Variants in DLG1 observed in about 807,000 individuals in gnomAD.
DLG1 encodes the protein discs large MAGUK scaffold protein 1.
DLG1 carries 42 observed loss-of-function variants against 123.4 expected under a neutral mutation model. The ratio of observed to expected loss-of-function variants is 0.34; its 90% CI spans 0.27 to 0.44. The LOEUF is 0.44. Among genes scored for constraint, DLG1 ranks in the 20% least tolerant of loss-of-function variants. The probability of loss-of-function intolerance (pLI) is 1.00; values close to 1 mark genes in which losing one functional copy is unlikely to be tolerated. For synonymous variants in DLG1, 317 were observed against 356.2 expected (o/e 0.89, Z 1.24); for missense variants, 942 against 1,082.6 (o/e 0.87, Z 1.82).
chr3:197,090,899 T>TA lies in DLG1; in HGVS notation c.1661+12dup, dbSNP rs746985032. 1.6e-5 allele frequency: 24 copies of TA among 1,509,634 alleles called. No homozygotes were observed. The highest frequency in any genetic ancestry group is 2.2e-5 in the Non-Finnish European group (24 of 1,102,560). 93.5% of individuals were successfully genotyped at this position (1,509,634 alleles called of 1,614,324 possible). On this transcript the variant is annotated intron_variant, in intron 15 of 24. Coordinates refer to ENST00000667157, the MANE Select transcript of DLG1 (RefSeq NM_001366207.1). The stretch of plus-strand genomic sequence containing the variant: ...AATTAAGATTTGCCATAATTAGAAG[T>TA]AAAAAAATTTACCTGACATAGAGGG...
At chr3:197,158,633 T>TAAAAAAA (rs1286218729) in intron 5 of DLG1, among the ~76,000 whole-genome samples, 1 of 17,536 alleles carries the variant, frequency 5.7e-5, no homozygotes, top group Non-Finnish European at 1.2e-4. Context: ...AAACTCCATT[T>TAAAAAAA]CAAAAAAAAA....
At chr3:197,237,511 C>T (rs1047183870) in intron 4 of DLG1, among the ~76,000 whole-genome samples, 3 of 152,172 alleles carry the variant, frequency 2.0e-5, no homozygotes, top group African/African-American at 7.2e-5. Flanking sequence ...CTAAACACCA[C>T]AGAAAAAAAC....
intron 4 of DLG1, among the ~76,000 whole-genome samples, chr3:197,221,382 T>C (rs767090478): frequency 9.9e-5 from 15 of 151,962 alleles, no homozygotes; most frequent in Non-Finnish European, 2.9e-5. Flanking sequence ...GAGCCGAGTG[T>C]GGTGGCGGGC....
chr3:197,049,160 T>C (rs978584552), intron 24 of DLG1, among the ~76,000 whole-genome samples: 6 of 151,736 alleles, frequency 4.0e-5, no homozygotes, highest in Non-Finnish European at 7.4e-5. Context: ...CTACTAAAAA[T>C]ACAAAAATTA....
chr3:197,227,436 C>T (rs1227596916), intron 4 of DLG1, among the ~76,000 whole-genome samples: 1 of 151,884 alleles, frequency 6.6e-6, no homozygotes, highest in Non-Finnish European at 1.5e-5. Context: ...GATTGCGCCA[C>T]TGCACTCCAG....
intron 5 of DLG1, among the ~76,000 whole-genome samples, chr3:197,190,902 C>T (rs1719052558): frequency 6.6e-6 from 1 of 152,012 alleles, no homozygotes; most frequent in Admixed American, 6.6e-5. Context: ...CCCAGCTACT[C>T]GGGAGGCTGG....
At chr3:197,235,036 TAAAACAACTAG>T (rs1745232791) in intron 4 of DLG1, among the ~76,000 whole-genome samples, 1 of 151,974 alleles carries the variant, frequency 6.6e-6, no homozygotes, top group Non-Finnish European at 1.5e-5. Flanking sequence ...CCTTCTGCCT[TAAAACAACTAG>T]AAAACTAGAA....
chr3:197,046,932 A>G (rs1479906970), intron 24 of DLG1, among the ~76,000 whole-genome samples: 1 of 144,454 alleles, frequency 6.9e-6, no homozygotes, highest in East Asian at 2.4e-4. Context: ...AAAAACAACA[A>G]AAAATCCCCC....
At chr3:197,118,727 CATT>C (rs1774653137) in intron 12 of DLG1, among the ~76,000 whole-genome samples, 1 of 152,068 alleles carries the variant, frequency 6.6e-6, no homozygotes, top group African/African-American at 2.4e-5. Flanking sequence ...TTTTCTACCT[CATT>C]AGAATTCTTT....
intron 4 of DLG1, among the ~76,000 whole-genome samples, chr3:197,243,742 T>C (rs184413026): frequency 2.2e-4 from 34 of 152,328 alleles, no homozygotes; most frequent in South Asian, 8.3e-4. Flanking sequence ...ATAGTAGATA[T>C]AATTTATCCA....
chr3:197,288,698 G>A (rs574683881), intron 3 of DLG1, among the ~76,000 whole-genome samples: 30 of 131,418 alleles, frequency 2.3e-4, no homozygotes, highest in African/African-American at 8.5e-4. Flanking sequence ...TCCAGCCTGG[G>A]CAACAAGAGT....
intron 15 of DLG1, among the ~76,000 whole-genome samples, chr3:197,088,071 A>G (rs1755455549): frequency 6.6e-6 from 1 of 152,188 alleles, no homozygotes; most frequent in Non-Finnish European, 1.5e-5. Context: ...TAATTATAGA[A>G]AAGAACAGAA....
chr3:197,216,365 C>T (rs937709064), intron 4 of DLG1, among the ~76,000 whole-genome samples: 1 of 152,090 alleles, frequency 6.6e-6, no homozygotes, highest in Non-Finnish European at 1.5e-5. Flanking sequence ...GCTGGCAGGA[C>T]TTATGAGAGT....
At chr3:197,088,405 C>T (rs1283005892) in intron 15 of DLG1, among the ~76,000 whole-genome samples, 1 of 152,142 alleles carries the variant, frequency 6.6e-6, no homozygotes. Context: ...TCATTCCCTC[C>T]CCCACATTCC....
intron 4 of DLG1, among the ~76,000 whole-genome samples, chr3:197,262,962 C>T (rs1760086700): frequency 6.6e-6 from 1 of 152,166 alleles, no homozygotes; most frequent in South Asian, 2.1e-4. Context: ...GTTGAGTACT[C>T]CCTTTTCCCC....
chr3:197,252,986 A>G (rs1459036013), intron 4 of DLG1, among the ~76,000 whole-genome samples: 1 of 152,166 alleles, frequency 6.6e-6, no homozygotes, highest in East Asian at 1.9e-4. Flanking sequence ...TAATCTGAAA[A>G]AACAGGAGAA....
chr3:197,227,781 A>G (rs1740757112), intron 4 of DLG1, among the ~76,000 whole-genome samples: 1 of 152,226 alleles, frequency 6.6e-6, no homozygotes. Flanking sequence ...GAGAGAGAGA[A>G]AAAACTAGGT....
At chr3:197,091,659 GA>G (rs927366578) in intron 14 of DLG1, among the ~76,000 whole-genome samples, 2 of 151,924 alleles carry the variant, frequency 1.3e-5, no homozygotes, top group Non-Finnish European at 2.9e-5. Flanking sequence ...ATATGATTTT[GA>G]AAATGGACAA....
At chr3:197,116,932 C>T (rs1048493469) in intron 12 of DLG1, among the ~76,000 whole-genome samples, 4 of 151,818 alleles carry the variant, frequency 2.6e-5, no homozygotes, top group East Asian at 1.9e-4. Context: ...TGGTGAATTC[C>T]GGATTTACTG....
Sources: allele counts gnomAD v4.1 joint callset (sites outside exome capture counted in the v4.1 genomes callset), GRCh38; gene constraint gnomAD v4.1.1; transcripts MANE v1.5; gene names NCBI Gene and HGNC (gene_info 2026-07-23, HGNC 2026-07-21).